Variants in UPF2 observed in about 807,000 individuals in gnomAD.
UPF2 encodes the protein regulator of nonsense transcripts 2.
In UPF2, 17 loss-of-function variants were observed where a neutral mutation model predicts 141.4. The ratio of observed to expected loss-of-function variants is 0.12; its 90% confidence interval spans 0.08 to 0.18. UPF2 has a LOEUF of 0.18. Among genes scored for constraint, UPF2 ranks in the 10% least tolerant of loss-of-function variants. The pLI is 1.00. For synonymous variants in UPF2, 540 were observed against 498.0 expected, an observed-to-expected ratio of 1.08 and a Z score of -1.12; for missense variants, 1,152 against 1,515.9, an observed-to-expected ratio of 0.76 and a Z score of 3.99.
At chr10:11,976,328 T>C (rs1455251192) in intron 9 of UPF2, among the ~76,000 whole-genome samples, 2 of 152,120 alleles carry the variant, frequency 1.3e-5, no homozygotes, top group Non-Finnish European at 2.9e-5. Context: ...GTATGGAAAA[T>C]GAAAGACAGT....
At position 11,959,230 on chromosome 10, in the gene UPF2, G is replaced by A; in HGVS notation, c.2311C>T (p.Leu771Phe). The A allele has an allele frequency of 6.2e-7, 1 of 1,613,658 alleles. No individual in the cohort carries two copies. Among genetic ancestry groups the A allele is most frequent in the Non-Finnish European group, 8.5e-7 (1 of 1,179,900 alleles). The change falls in exon 12 of 22, where the codon CTC (leucine) becomes TTC (phenylalanine). Residue 771 changes from leucine (L) to phenylalanine (F), a missense_variant. Leu to Phe is a conservative substitution (Grantham distance 22). Around this residue, in one of 4 missense-constraint regions of UPF2, gnomAD observed 739 missense variants for 1,032.2 expected, o/e 0.72. Transcript: ENST00000357604. This position sits in a 1 kb window ranked among gnomAD's most constrained non-coding sequence, Gnocchi z 5.9. ...AAAAGTTTCCGGACATATTCCTGGA[G>A]AGGAGGACGTTTCTTTTTCACGGTT... ...EKTVKKKRPP[L>F]QEYVRKLLYK...
At chr10:12,006,061 G>C (rs1834030472) in intron 4 of UPF2, among the ~76,000 whole-genome samples, 1 of 151,294 alleles carries the variant, frequency 6.6e-6, no homozygotes, top group Non-Finnish European at 1.5e-5. Context: ...TCCATTTTTA[G>C]TAGAGATGGG....
In UPF2 at chr10:12,035,410, C is replaced by G; in HGVS notation, c.14G>C (p.Arg5Pro). 1 of 1,581,124 alleles carries G rather than the reference C, an allele frequency of 6.3e-7. No individual in the cohort carries two copies. The highest frequency in any genetic ancestry group is 8.6e-7 in the Non-Finnish European group (1 of 1,168,914). Residue 5 changes from arginine to proline, a missense_variant, in exon 2 of 22, where the codon CGT becomes CCT. Transcript: ENST00000357604. ...TTCTTCCATACTTGCTGGCTTTTTACGCTCAGCTGGCATTATGTGACCCAG... is the reference window on the plus strand; with the variant it reads ...TTCTTCCATACTTGCTGGCTTTTTAGGCTCAGCTGGCATTATGTGACCCAG... MPAE[R>P]KKPASMEEKD...
chr10:12,017,060 T>C (rs1032131269), intron 3 of UPF2, among the ~76,000 whole-genome samples: 4 of 146,654 alleles, frequency 2.7e-5, no homozygotes, highest in East Asian at 3.9e-4. Flanking sequence ...TTAAGAAAAA[T>C]GTTAACAGGT....
In UPF2 at chr10:11,998,279, C is replaced by T. The variant is rs573547029; in HGVS notation, c.1759-522G>A. On this transcript the variant is annotated intron_variant, in intron 7 of 21. Coordinates refer to ENST00000357604, the MANE Select transcript of UPF2 (RefSeq NM_015542.4). This position sits in a 1 kb window ranked among gnomAD's most constrained non-coding sequence, Gnocchi z 4.5. ...GCGCTCTCTCTCTCTCTCCAAGATG[C>T]CTTAACTGACAGAGGAGAATTCTTC... Among the ~76,000 whole-genome samples, 1 of 152,264 alleles carries T rather than the reference C, an allele frequency of 6.6e-6. No homozygotes were observed. The highest frequency in any genetic ancestry group is 6.5e-5 in the Admixed American group (1 of 15,290).
chr10:11,993,791 T>C (rs922992195), intron 8 of UPF2, among the ~76,000 whole-genome samples: 6 of 151,320 alleles, frequency 4.0e-5, no homozygotes, highest in Non-Finnish European at 8.8e-5. Context: ...CTGGTCAATA[T>C]AACAAGACCT....
intron 4 of UPF2, among the ~76,000 whole-genome samples, chr10:12,006,022 G>A (rs941777679): frequency 6.6e-6 from 1 of 151,864 alleles, no homozygotes; most frequent in African/African-American, 2.4e-5. Context: ...TGGGACTACA[G>A]GCATGCGTCA....
chr10:11,974,288 G>C (rs1564351286), intron 9 of UPF2, among the ~76,000 whole-genome samples: 1 of 152,166 alleles, frequency 6.6e-6, no homozygotes, highest in Admixed American at 6.5e-5. Flanking sequence ...CTGAGACGAT[G>C]GGGCTTTCTA....
Position 11,931,629 on chromosome 10 carries a change from A to G in UPF2, c.3688+12T>C, listed in dbSNP as rs1170422277. On this transcript the variant is annotated intron_variant, in intron 20 of 21. Coordinates refer to ENST00000357604, the MANE Select transcript of UPF2 (RefSeq NM_015542.4). The surrounding 1 kb of genome is among the most constrained non-coding windows in gnomAD (Gnocchi z 5.9). ...ACAAAAATTTCCACTTCTCTTATAG[A>G]TGATTTTATACCTTGATAATCTTCT... 6.3e-7 allele frequency: 1 copy of G among 1,580,506 alleles called. No individual in the cohort carries two copies. The highest frequency in any genetic ancestry group is 2.0e-5 in the Admixed American group (1 of 50,476).
Position 11,943,140 on chromosome 10 carries a change from C to G in UPF2, c.3203G>C (p.Gly1068Ala), listed in dbSNP as rs548215008. Reference protein sequence around the residue: ...EEGSDNDDDEGEEEEEENTDY... With the variant: ...EEGSDNDDDEAEEEEEENTDY... ...TGTATTCTCTTCCTCCTCTTCTTCT[C>G]CCTCATCATCATCATTATCAGAACC... Residue 1068 changes from glycine (G) to alanine (A), a missense_variant, in exon 17 of 22, where the codon GGA becomes GCA. By Grantham distance (60) the Gly-to-Ala change is moderately conservative. Transcript: ENST00000357604. 6.2e-7 allele frequency: 1 copy of G among 1,610,810 alleles called. No individual in the cohort carries two copies. The highest frequency in any genetic ancestry group is 1.3e-5 in the African/African-American group (1 of 74,930).
chr10:11,959,626 G>A lies in UPF2; in HGVS notation c.2185-270C>T, dbSNP rs1833209398. Among the ~76,000 whole-genome samples, 1 of 151,996 alleles carries A rather than the reference G, an allele frequency of 6.6e-6. No individual in the cohort carries two copies. The highest frequency in any genetic ancestry group is 1.9e-4 in the East Asian group (1 of 5,168). ...GATACAAAAATTAGCCAGGTGTGGT[G>A]GCGCACACCTGTAGTCCCAGCTACT... is the stretch of plus-strand genomic sequence containing the variant. On this transcript the variant is annotated intron_variant, in intron 11 of 21. Coordinates refer to ENST00000357604, the MANE Select transcript of UPF2 (RefSeq NM_015542.4). The surrounding 1 kb of genome is among the most constrained non-coding windows in gnomAD (Gnocchi z 5.9).
rs1834191912 is a variant in UPF2 at position 12,014,930 on chromosome 10, C to G, written c.1146-746G>C. The stretch of plus-strand genomic sequence containing the variant: ...ACTCAGGCCAGCCCTTATCAAGGAA[C>G]TAAGGACATAACCACTCTTCCACTT... On this transcript the variant is annotated intron_variant, in intron 3 of 21. Coordinates refer to ENST00000357604, the MANE Select transcript of UPF2 (RefSeq NM_015542.4). This position sits in a 1 kb window ranked among gnomAD's most constrained non-coding sequence, Gnocchi z 5.0. Among the ~76,000 whole-genome samples, 1 of 152,218 alleles carries G rather than the reference C, an allele frequency of 6.6e-6. No individual in the cohort carries two copies. Among genetic ancestry groups the G allele is most frequent in the Non-Finnish European group, 1.5e-5 (1 of 68,044 alleles).
At chr10:11,967,680 G>A (rs1467371672) in intron 9 of UPF2, among the ~76,000 whole-genome samples, 1 of 150,820 alleles carries the variant, frequency 6.6e-6, no homozygotes, top group Non-Finnish European at 1.5e-5. Context: ...CTCCCGAGTA[G>A]CTGGGATTAC....
rs12573162 is a variant in UPF2, at chr10:11,939,214, G to A, written c.3379-2502C>T. 0.046 allele frequency among the ~76,000 whole-genome samples: 6,948 copies of A among 152,126 alleles called. 251 individuals carry two copies. The highest frequency in any genetic ancestry group is 0.11 in the East Asian group (561 of 5,180). On this transcript the variant is annotated intron_variant, in intron 18 of 21. Coordinates refer to ENST00000357604, the MANE Select transcript of UPF2 (RefSeq NM_015542.4). This position sits in a 1 kb window ranked among gnomAD's most constrained non-coding sequence, Gnocchi z 4.8. ...CCAAGCCTCTGTTTCTTTAGCTAAA[G>A]CAAAGGAATACTAACAGTATCTGAC...
Position 11,980,008 on chromosome 10 carries a change from T to C in UPF2, c.1845-843A>G, listed in dbSNP as rs1003757392. Among the ~76,000 whole-genome samples, 1 of 152,200 alleles carries C rather than the reference T, an allele frequency of 6.6e-6. No homozygotes were observed. Reference sequence around the variant, plus strand: ...ATACTAATTTATGTATTTCAACTCATTACAGAACCCACTCAGATCTTCATT... The same window carrying C: ...ATACTAATTTATGTATTTCAACTCACTACAGAACCCACTCAGATCTTCATT... On this transcript the variant is annotated intron_variant, in intron 8 of 21. Coordinates refer to ENST00000357604, the MANE Select transcript of UPF2 (RefSeq NM_015542.4). The surrounding 1 kb of genome is among the most constrained non-coding windows in gnomAD (Gnocchi z 4.2).
At chr10:12,000,200 G>A (rs1833930403) in intron 6 of UPF2, among the ~76,000 whole-genome samples, 191 bp from the exon 7 acceptor site, 1 of 152,106 alleles carries the variant, frequency 6.6e-6, no homozygotes, top group African/African-American at 2.4e-5. Flanking sequence ...ATTCACTACA[G>A]TCCTTCAGGT....
chr10:11,999,619 A>G (rs1216905976), intron 7 of UPF2, among the ~76,000 whole-genome samples: 1 of 152,168 alleles, frequency 6.6e-6, no homozygotes, highest in Non-Finnish European at 1.5e-5. Context: ...AAGCCATTAA[A>G]AATCCAGAAA....
intron 15 of UPF2, among the ~76,000 whole-genome samples, chr10:11,950,435 ACT>A (rs1184786854): frequency 1.3e-5 from 2 of 152,200 alleles, no homozygotes; most frequent in African/African-American, 4.8e-5. Flanking sequence ...TTGGGAGTGC[ACT>A]GATTGCGGCC....
intron 16 of UPF2, among the ~76,000 whole-genome samples, chr10:11,947,786 CAAAAAA>C (rs58897556): frequency 3.0e-5 from 2 of 65,580 alleles, no homozygotes; most frequent in East Asian, 4.4e-4. Context: ...AACCTTGTCT[CAAAAAA>C]AAAAAAAAAA....
Sources: allele counts gnomAD v4.1 joint callset (sites outside exome capture counted in the v4.1 genomes callset), GRCh38; gene constraint gnomAD v4.1.1; regional missense constraint gnomAD v4.1.1; non-coding constraint Gnocchi (gnomAD v3.1); transcripts MANE v1.5; gene names NCBI Gene and HGNC (gene_info 2026-07-23, HGNC 2026-07-21).